MTAP: variants seen among roughly 807,000 people sequenced by gnomAD.
MTAP encodes the protein methylthioadenosine phosphorylase, also known as S-methyl-5'-thioadenosine phosphorylase.
MTAP carries 33 observed loss-of-function variants against 33.6 expected under a neutral mutation model. That is an observed-to-expected ratio of 0.98 (90% CI 0.74 to 1.31). The LOEUF is 1.31. Among genes scored for constraint, MTAP ranks in the 40% most tolerant of loss-of-function variants. MTAP has a pLI of 0.00. For synonymous variants in MTAP, 148 were observed against 125.7 expected, an observed-to-expected ratio of 1.18 and a Z score of -1.19; for missense variants, 367 against 360.0, an observed-to-expected ratio of 1.02 and a Z score of -0.16.
At chr9:21,925,718 C>G (rs1818859036) in intron 1 of MTAP, among the ~76,000 whole-genome samples, 1 of 151,474 alleles carries the variant, frequency 6.6e-6, no homozygotes, top group East Asian at 1.9e-4. Flanking sequence ...AACAGAATCC[C>G]AATTCCTGAT....
intron 1 of MTAP, among the ~76,000 whole-genome samples, chr9:21,900,744 T>C (rs112544454): frequency 0.027 from 4,127 of 152,226 alleles, 199 homozygotes; most frequent in African/African-American, 0.094. Flanking sequence ...CTATTCACAA[T>C]AGCAAAGACA....
chr9:21,865,065 C>T lies in MTAP; in HGVS notation c.*3051C>T. On this transcript the variant is annotated 3_prime_UTR_variant, in exon 8 of 8. Transcript: ENST00000644715. ...GGAGTTCTTGCCACATTTGCAGAGT[C>T]CCTCCTTGATAAGGTTTGGCGGTGT... is the stretch of plus-strand genomic sequence containing the variant. The T allele has an allele frequency of 5.1e-6, 5 of 985,386 alleles. No homozygotes were observed. The highest frequency in any genetic ancestry group is 6.0e-6 in the Non-Finnish European group (5 of 829,934). 61.0% of individuals were successfully genotyped at this position (985,386 alleles called of 1,614,324 possible).
At chr9:21,867,756 C>G (rs1349945161), downstream of MTAP, among the ~76,000 whole-genome samples, 2 of 151,150 alleles carry the variant, frequency 1.3e-5, no homozygotes, top group African/African-American at 2.4e-5. Flanking sequence ...ATTTGTTAAC[C>G]AAAAAGATTG....
intron 1 of MTAP, 189 bp downstream of exon 1, chr9:21,802,970 CCCTG>C (rs1407759225): frequency 1.6e-6 from 2 of 1,233,972 alleles, no homozygotes; most frequent in Non-Finnish European, 2.0e-6. Flanking sequence ...CAAATGATCC[CCCTG>C]CCGCACCGCC....
chr9:21,912,083 A>C (rs1300598598), intron 1 of MTAP, among the ~76,000 whole-genome samples: 1 of 152,228 alleles, frequency 6.6e-6, no homozygotes, highest in East Asian at 1.9e-4. Context: ...TAAACCAGGA[A>C]GAAGTTGAAT....
intron 4 of MTAP, among the ~76,000 whole-genome samples, chr9:21,831,399 T>C (rs1198233720): frequency 6.6e-6 from 1 of 152,200 alleles, no homozygotes; most frequent in East Asian, 1.9e-4. Context: ...TGCAGTGGCC[T>C]GATCGCAGCT....
chr9:21,918,117 G>C, intron 1 of MTAP, among the ~76,000 whole-genome samples: 1 of 129,258 alleles, frequency 7.7e-6, no homozygotes, highest in Non-Finnish European at 1.5e-5. Context: ...TTGGGAGGCC[G>C]AGGCGGGCGG....
At position 21,926,311 on chromosome 9, in the gene MTAP, C is replaced by T. The variant is rs74377345; in HGVS notation, c.148-4697C>T. On this transcript the variant is annotated intron_variant, in intron 1 of 1. Transcript: ENST00000577563. ...CATGGATTATTAATATACTATAACT[C>T]GCTATGTAACACCCCTGTCTTACCT... Among the ~76,000 whole-genome samples, 574 of 152,020 alleles carry T rather than the reference C, an allele frequency of 3.8e-3. 11 individuals are homozygous for T. In the East Asian group the frequency reaches 0.049, roughly 13 times the overall value.
At chr9:21,910,819 T>C (rs1818563092) in intron 1 of MTAP, among the ~76,000 whole-genome samples, 1 of 152,130 alleles carries the variant, frequency 6.6e-6, no homozygotes, top group South Asian at 2.1e-4. Flanking sequence ...AAAATCACCA[T>C]ATCTATTAGC....
chr9:21,880,518 TA>T (rs2118694897), intron 1 of MTAP, among the ~76,000 whole-genome samples: 1 of 152,202 alleles, frequency 6.6e-6, no homozygotes, highest in Non-Finnish European at 1.5e-5. Context: ...TAGATTCCAC[TA>T]AACGACAACT....
At chr9:21,921,886 T>A (rs1818793198) in intron 1 of MTAP, among the ~76,000 whole-genome samples, 1 of 151,948 alleles carries the variant, frequency 6.6e-6, no homozygotes, top group Non-Finnish European at 1.5e-5. Flanking sequence ...GAGGCTGAGG[T>A]GGGAGTGTTG....
chr9:21,815,571 G>C, intron 2 of MTAP, 52 bp downstream of exon 2: 1 of 1,192,410 alleles, frequency 8.4e-7, no homozygotes, highest in Non-Finnish European at 1.2e-6. Flanking sequence ...ATTTCTCCTT[G>C]CTGGCTTGAT....
chr9:21,868,447 T>C (rs540385189), downstream of MTAP, among the ~76,000 whole-genome samples: 5 of 152,290 alleles, frequency 3.3e-5, no homozygotes, highest in Admixed American at 2.0e-4. Context: ...GGAGAAAGCC[T>C]TCAATGAGAA....
At chr9:21,926,582 C>T (rs1019517960) in intron 1 of MTAP, among the ~76,000 whole-genome samples, 3 of 152,178 alleles carry the variant, frequency 2.0e-5, no homozygotes, top group Admixed American at 6.5e-5. Flanking sequence ...AAGGAGTCTA[C>T]AGCTAATCTG....
intron 6 of MTAP, among the ~76,000 whole-genome samples, chr9:21,857,898 A>C (rs938810287): frequency 6.6e-6 from 1 of 152,202 alleles, no homozygotes; most frequent in African/African-American, 2.4e-5. Flanking sequence ...TGCTGAAATC[A>C]TCTCCTTGGA....
At chr9:21,841,330 A>C (rs1227277893) in intron 5 of MTAP, among the ~76,000 whole-genome samples, 1 of 152,242 alleles carries the variant, frequency 6.6e-6, no homozygotes, top group Non-Finnish European at 1.5e-5. Context: ...AACTGAGGCC[A>C]TTACAGCAAC....
At chr9:21,811,316 A>AG (rs1233861412) in intron 1 of MTAP, among the ~76,000 whole-genome samples, 1 of 152,214 alleles carries the variant, frequency 6.6e-6, no homozygotes, top group Non-Finnish European at 1.5e-5. Flanking sequence ...AAATAGACAG[A>AG]GTAGGGGTTA....
intron 1 of MTAP, among the ~76,000 whole-genome samples, chr9:21,900,153 T>C (rs1226864471): frequency 6.6e-6 from 1 of 152,078 alleles, no homozygotes; most frequent in African/African-American, 2.4e-5. Flanking sequence ...CCAAAAGCAA[T>C]TGCAACAAGA....
chr9:21,861,754 C>A, intron 7 of MTAP: 2 of 572,570 alleles, frequency 3.5e-6, no homozygotes, highest in South Asian at 2.2e-5. Flanking sequence ...GCATTATTAA[C>A]CTCACTTTAC....
Sources: gnomAD v4.1 joint callset for allele counts (sites outside exome capture counted in the v4.1 genomes callset) on GRCh38, gnomAD v4.1.1 for gene constraint, MANE v1.5 for transcripts, NCBI Gene and HGNC (gene_info 2026-07-23, HGNC 2026-07-21) for gene names.